IFT140: variants seen among roughly 807,000 people sequenced by gnomAD.
IFT140 encodes intraflagellar transport 140.
Under a neutral mutation model 164.6 loss-of-function variants are expected in IFT140, and 133 were observed. The observed-to-expected ratio is 0.81, with a 90% CI of 0.70 to 0.93. The LOEUF (loss-of-function observed/expected upper bound fraction) is 0.93. Ranked by LOEUF, IFT140 falls within the 40% of genes least tolerant of loss-of-function variation. IFT140 has a pLI of 0.00. For synonymous variants in IFT140, 860 were observed against 817.3 expected (o/e 1.05, Z -0.89); for missense variants, 2,045 against 1,972.3 (o/e 1.04, Z -0.70).
chr16:1,589,428 C>G (rs2035060705), intron 7 of IFT140, among the ~76,000 whole-genome samples, 177 bp downstream of exon 7: 1 of 152,154 alleles, frequency 6.6e-6, no homozygotes, highest in Admixed American at 6.5e-5. Context: ...TTTCCTTCAC[C>G]TATGAATTGA....
chr16:1,520,061 A>G lies in IFT140; in HGVS notation c.3874-14T>C. 1 of 1,605,168 alleles carries G rather than the reference A, an allele frequency of 6.2e-7. No homozygotes were observed. The highest frequency in any genetic ancestry group is 8.5e-7 in the Non-Finnish European group (1 of 1,174,596). ...ATCAATCTCCACCTGTACAGATGAA[A>G]CCCGTCAAGACCTGCCGGGCTCCAC... On this transcript the variant is annotated splice_polypyrimidine_tract_variant and intron_variant, in intron 28 of 30. Transcript: ENST00000426508.
intron 12 of IFT140, among the ~76,000 whole-genome samples, chr16:1,582,222 T>C (rs1179770713): frequency 6.6e-6 from 1 of 152,032 alleles, no homozygotes; most frequent in African/African-American, 2.4e-5. Flanking sequence ...GATGGTAAGG[T>C]CTTGGGATGG....
At chr16:1,575,914 T>C (rs967351917) in intron 13 of IFT140, among the ~76,000 whole-genome samples, 1 of 152,190 alleles carries the variant, frequency 6.6e-6, no homozygotes, top group Non-Finnish European at 1.5e-5. Context: ...CTGGAGGTCT[T>C]TTCTTGGCAA....
At chr16:1,588,454 G>A (rs2035008219) in intron 7 of IFT140, among the ~76,000 whole-genome samples, 1 of 151,966 alleles carries the variant, frequency 6.6e-6, no homozygotes, top group Non-Finnish European at 1.5e-5. Context: ...GAACACGGGA[G>A]GCGGAGATTG....
At chr16:1,608,767 G>A (rs1313866995) in intron 2 of IFT140, among the ~76,000 whole-genome samples, 1 of 152,058 alleles carries the variant, frequency 6.6e-6, no homozygotes, top group Non-Finnish European at 1.5e-5. Flanking sequence ...CCAGGCTGGA[G>A]AGCAGTGGTG....
intron 4 of IFT140, among the ~76,000 whole-genome samples, chr16:1,598,617 C>G (rs1212399974): frequency 6.6e-6 from 1 of 152,262 alleles, no homozygotes; most frequent in Non-Finnish European, 1.5e-5. Context: ...TTCTGCTACT[C>G]ACACGCAACT....
intron 19 of IFT140, chr16:1,554,125 G>A (rs2032898174): frequency 1.6e-6 from 2 of 1,287,056 alleles, no homozygotes; most frequent in Non-Finnish European, 2.0e-6. Context: ...TCGGAAGTGA[G>A]GGAAGACACC....
At chr16:1,518,107 G>T in intron 30 of IFT140, 109 bp downstream of exon 30, 1 of 1,107,182 alleles carries the variant, frequency 9.0e-7, no homozygotes, top group Non-Finnish European at 1.3e-6. Flanking sequence ...CAAAGTGCTG[G>T]GATTACAGGA....
intron 19 of IFT140, chr16:1,534,106 G>C: frequency 2.6e-6 from 2 of 776,000 alleles, no homozygotes; most frequent in South Asian, 4.0e-5. Context: ...GGATAAGGCC[G>C]GGCCGAGAGG....
At chr16:1,590,154 T>C (rs1390108249) in intron 6 of IFT140, among the ~76,000 whole-genome samples, 1 of 147,880 alleles carries the variant, frequency 6.8e-6, no homozygotes, top group Non-Finnish European at 1.5e-5. Flanking sequence ...TGAGCCAAGA[T>C]TACGCCATTG....
intron 13 of IFT140, among the ~76,000 whole-genome samples, chr16:1,571,798 G>C (rs553009000): frequency 4.1e-4 from 62 of 152,250 alleles, no homozygotes; most frequent in Middle Eastern, 3.4e-3. Flanking sequence ...CAGTCTAGAG[G>C]GGAAAACAGA....
intron 22 of IFT140, 38 bp from the exon 23 acceptor site, chr16:1,524,954 C>T: frequency 6.3e-7 from 1 of 1,578,796 alleles, no homozygotes; most frequent in Non-Finnish European, 8.6e-7. Flanking sequence ...TCCACCCGAG[C>T]CCCGCTCCAA....
chr16:1,582,412 G>T (rs1241368689), intron 12 of IFT140, among the ~76,000 whole-genome samples: 1 of 152,190 alleles, frequency 6.6e-6, no homozygotes, highest in Admixed American at 6.5e-5. Context: ...TTCTCCCCTG[G>T]GGCTGCAGAG....
chr16:1,515,892 A>T (rs79602039), intron 30 of IFT140, among the ~76,000 whole-genome samples: 7,186 of 152,178 alleles, frequency 0.047, 430 homozygotes, highest in East Asian at 0.18. Context: ...ACCAGAAATG[A>T]CGCTTTGGGA....
At position 1,571,391 on chromosome 16, in the gene IFT140, TG is replaced by T; in HGVS notation, c.1652+15del. On this transcript the variant is annotated intron_variant, in intron 14 of 30. Transcript: ENST00000426508. ...CTAAAAAAATGTTCACACTTCTATT[TG>T]GAAAAAAAATTTACCTTCGGGAAAG... 6.2e-7 allele frequency: 1 copy of T among 1,608,248 alleles called. No individual in the cohort carries two copies. Among genetic ancestry groups the T allele is most frequent in the Non-Finnish European group, 8.5e-7 (1 of 1,178,332 alleles).
intron 15 of IFT140, 93 bp from the exon 16 acceptor site, chr16:1,566,384 A>T (rs1433078264): frequency 1.6e-6 from 2 of 1,240,454 alleles, no homozygotes; most frequent in Non-Finnish European, 2.3e-6. Flanking sequence ...ACATGTCAAG[A>T]GAAACACACC....
chr16:1,563,985 G>A lies in IFT140; in HGVS notation c.2067+12C>T, dbSNP rs201954701. The A allele has an allele frequency of 7.8e-4, 1,219 of 1,555,842 alleles. 10 individuals are homozygous for A. The highest frequency in any genetic ancestry group is 2.5e-4 in the Non-Finnish European group (281 of 1,142,298). On this transcript the variant is annotated intron_variant, in intron 17 of 30. Transcript: ENST00000426508. ...AGTGTGTCTAAACTCAAATACAACAGGCAGAGCGTACCGCAGGGCCAGCGC... is the reference window on the plus strand; with the variant it reads ...AGTGTGTCTAAACTCAAATACAACAAGCAGAGCGTACCGCAGGGCCAGCGC...
chr16:1,521,638 C>T (rs1254556067), intron 26 of IFT140, among the ~76,000 whole-genome samples: 1 of 149,158 alleles, frequency 6.7e-6, no homozygotes, highest in Non-Finnish European at 1.5e-5. Context: ...GTGATCCACC[C>T]ACCTCGGCCT....
At chr16:1,513,355 G>A (rs1193374985) in intron 30 of IFT140, 1 of 152,152 alleles carries the variant, frequency 6.6e-6, no homozygotes. Context: ...ACAAAAATTA[G>A]CTGGGCGTGG....
Sources: gnomAD v4.1 joint callset for allele counts (sites outside exome capture counted in the v4.1 genomes callset) on GRCh38, gnomAD v4.1.1 for gene constraint, MANE v1.5 for transcripts, NCBI Gene and HGNC (gene_info 2026-07-23, HGNC 2026-07-21) for gene names.